DLK2: variants seen among roughly 807,000 people sequenced by gnomAD.
The protein encoded by DLK2 is protein delta homolog 2.
Under a neutral mutation model 31.3 loss-of-function variants are expected in DLK2, and 9 were observed. The observed-to-expected ratio is 0.29, with a 90% CI of 0.17 to 0.50. The LOEUF is 0.50. DLK2 is among the 20% of genes least tolerant of loss of function. The pLI is 0.98. For missense variants in DLK2, 387 were observed against 526.1 expected (o/e 0.74, Z 2.59); for synonymous variants, 169 against 201.2 (o/e 0.84, Z 1.35).
Position 43,451,507 on chromosome 6 carries a change from C to T in DLK2, c.417-233G>A, listed in dbSNP as rs1783734198. On this transcript the variant is annotated intron_variant, in intron 5 of 5. Coordinates refer to ENST00000372488, the MANE Select transcript of DLK2 (RefSeq NM_023932.4). This position sits in a 1 kb window ranked among gnomAD's most constrained non-coding sequence, Gnocchi z 4.4. ...CACAGGGCCCAGCCAGAAGGCAGGGCTCAGGGTAAGTGTGCTATTATTATC... is the reference window on the plus strand; with the variant it reads ...CACAGGGCCCAGCCAGAAGGCAGGGTTCAGGGTAAGTGTGCTATTATTATC... 6.6e-6 allele frequency among the ~76,000 whole-genome samples: 1 copy of T among 152,164 alleles called. No homozygotes were observed. The highest frequency in any genetic ancestry group is 1.5e-5 in the Non-Finnish European group (1 of 68,022).
Position 43,451,903 on chromosome 6 carries a change from T to C in DLK2, c.416+37A>G, listed in dbSNP as rs1225961779. ...TTCTCATCCCATCACCAGGTTCTGG[T>C]CTAACCTTCCACTCACCCTGAGGGC... On this transcript the variant is annotated intron_variant, in intron 5 of 5. Coordinates refer to ENST00000372488, the MANE Select transcript of DLK2 (RefSeq NM_023932.4). This position sits in a 1 kb window ranked among gnomAD's most constrained non-coding sequence, Gnocchi z 4.4. 1.9e-6 allele frequency: 3 copies of C among 1,611,900 alleles called. No homozygotes were observed. The South Asian group carries it at 3.3e-5, about 18-fold the overall frequency.
In DLK2 at chr6:43,450,434, G is replaced by T; in HGVS notation, c.*105C>A. ...AATAATATTTCTGGTGTGAGGCTGAGGTCTCCTCTGTGTGTGTACCCAAGC... is the reference window on the plus strand; with the variant it reads ...AATAATATTTCTGGTGTGAGGCTGATGTCTCCTCTGTGTGTGTACCCAAGC... On this transcript the variant is annotated 3_prime_UTR_variant, in exon 6 of 6. Transcript: ENST00000372488. The surrounding 1 kb of genome is among the most constrained non-coding windows in gnomAD (Gnocchi z 4.5). The T allele has an allele frequency of 1.6e-6, 2 of 1,277,134 alleles. No individual in the cohort carries two copies. Among genetic ancestry groups the T allele is most frequent in the Non-Finnish European group, 1.1e-6 (1 of 939,242 alleles). 79.1% of individuals were successfully genotyped at this position (1,277,134 alleles called of 1,614,324 possible).
At chr6:43,456,353 G>C (rs1393365464), upstream of DLK2, 2 of 152,638 alleles carry the variant, frequency 1.3e-5, no homozygotes, top group Non-Finnish European at 2.9e-5. Flanking sequence ...AACGGAGGGG[G>C]AGTGGGGGAA....
intron 3 of DLK2, 91 bp downstream of exon 3, chr6:43,454,315 AAGAGT>A (rs1783887740): frequency 8.4e-7 from 1 of 1,188,428 alleles, no homozygotes; most frequent in Non-Finnish European, 1.2e-6. Flanking sequence ...ATGAGGCATG[AAGAGT>A]AGAGTCTGAA....
At chr6:43,454,523 C>T (rs1226817103) in intron 2 of DLK2, 49 bp from the exon 3 acceptor site, 7 of 1,540,670 alleles carry the variant, frequency 4.5e-6, no homozygotes, top group Non-Finnish European at 6.2e-6. Flanking sequence ...GGGCACAGCT[C>T]GCTGGGATGC....
In DLK2 at chr6:43,451,314, C is replaced by T. The variant is rs1156673707; in HGVS notation, c.417-40G>A. On this transcript the variant is annotated intron_variant, in intron 5 of 5. Transcript: ENST00000372488. This position sits in a 1 kb window ranked among gnomAD's most constrained non-coding sequence, Gnocchi z 4.4. ...AGAGAGGACATGATAACCAACTTACCAACACCTGTAGGGCAGCCCAGGTCA... is the reference window on the plus strand; with the variant it reads ...AGAGAGGACATGATAACCAACTTACTAACACCTGTAGGGCAGCCCAGGTCA... 2 of 1,593,958 alleles carry T rather than the reference C, an allele frequency of 1.3e-6. No individual in the cohort carries two copies. Among genetic ancestry groups the T allele is most frequent in the South Asian group, 2.3e-5 (2 of 87,036 alleles).
chr6:43,454,930 C>A, intron 1 of DLK2, 50 bp from the exon 2 acceptor site: 1 of 1,409,922 alleles, frequency 7.1e-7, no homozygotes, highest in South Asian at 1.3e-5. Flanking sequence ...GATAGCGGCA[C>A]GGATACGGGT....
At chr6:43,452,122 C>T (rs748556732) in intron 4 of DLK2, 38 bp from the exon 5 acceptor site, 2 of 1,611,762 alleles carry the variant, frequency 1.2e-6, no homozygotes, top group Non-Finnish European at 1.7e-6. Flanking sequence ...GATAACCCCT[C>T]CCATCTGGTC....
chr6:43,454,655 G>T, intron 2 of DLK2, 95 bp downstream of exon 2: 1 of 1,467,518 alleles, frequency 6.8e-7, no homozygotes. Flanking sequence ...CCGCGGGTCG[G>T]AGCGACTGCA....
In DLK2 at chr6:43,453,517, G is replaced by A. The variant is rs1320389250; in HGVS notation, c.141-382C>T. Among the ~76,000 whole-genome samples the A allele has an allele frequency of 6.6e-6, 1 of 152,244 alleles. No homozygotes were observed. The highest frequency in any genetic ancestry group is 1.5e-5 in the Non-Finnish European group (1 of 68,050). On this transcript the variant is annotated intron_variant, in intron 3 of 5. Coordinates refer to ENST00000372488, the MANE Select transcript of DLK2 (RefSeq NM_023932.4). This position sits in a 1 kb window ranked among gnomAD's most constrained non-coding sequence, Gnocchi z 4.1. ...ACCTTGAAAGGCCATCAGGGCCGGG[G>A]CGTGGTTGCTCACGCCTGTAATCCC...
upstream of DLK2, chr6:43,456,286 TCCTTGG>T (rs1284601238): frequency 6.6e-6 from 1 of 152,454 alleles, no homozygotes. Flanking sequence ...ATCACGTTCG[TCCTTGG>T]CCTCAGGCTA....
chr6:43,453,860 CACTT>C lies in DLK2; in HGVS notation c.140+547_140+550del, dbSNP rs141617432. On this transcript the variant is annotated intron_variant, in intron 3 of 5. Transcript: ENST00000372488. This position sits in a 1 kb window ranked among gnomAD's most constrained non-coding sequence, Gnocchi z 4.1. ...CCTCCCACCATGATTCCAGGGCAAACACTTGACCCATATTTTAAAAGCCCTCCAG... is the reference window on the plus strand; with the variant it reads ...CCTCCCACCATGATTCCAGGGCAAACGACCCATATTTTAAAAGCCCTCCAG... Among the ~76,000 whole-genome samples, 10,740 of 152,174 alleles carry C rather than the reference CACTT, an allele frequency of 0.071. 509 individuals carry two copies. The highest frequency in any genetic ancestry group is 0.11 in the Admixed American group (1,615 of 15,278).
At chr6:43,452,856 C>T (rs2127422411) in intron 4 of DLK2, 149 bp downstream of exon 4, 1 of 1,191,648 alleles carries the variant, frequency 8.4e-7, no homozygotes, top group South Asian at 1.5e-5. Flanking sequence ...ATTCAGACAA[C>T]ATATAAAAAG....
At chr6:43,454,671 G>T in intron 2 of DLK2, 79 bp downstream of exon 2, 9 of 1,502,624 alleles carry the variant, frequency 6.0e-6, no homozygotes, top group Non-Finnish European at 7.2e-6. Context: ...CTGCAGTGCC[G>T]CCTCCGGCCG....
At position 43,451,996 on chromosome 6, in the gene DLK2, T is replaced by G. The variant is rs1202443063; in HGVS notation, c.360A>C (p.Leu120Phe). Residue 120 changes from leucine to phenylalanine, a missense_variant, in exon 5 of 6, where the codon TTA becomes TTC. Coordinates refer to ENST00000372488, the MANE Select transcript of DLK2 (RefSeq NM_023932.4). This position sits in a 1 kb window ranked among gnomAD's most constrained non-coding sequence, Gnocchi z 4.4. ...DGGGEYHCVC[L>F]PGFHGRDCER... ...CGCAGTCACGCCCATGGAAGCCTGG[T>G]AAGCACACACAATGGTACTCACCGC... The G allele has an allele frequency of 6.2e-7, 1 of 1,614,180 alleles. No individual in the cohort carries two copies. The highest frequency in any genetic ancestry group is 1.1e-5 in the South Asian group (1 of 91,090).
At position 43,454,850 on chromosome 6, in the gene DLK2, C is replaced by T. The variant is rs1239401735; in HGVS notation, c.-25G>A. The stretch of plus-strand genomic sequence containing the variant: ...TGGTCAGCGCCGGCCCCAGGAGGGA[C>T]GGACGGATGGACGGCCGGACGCGTG... On this transcript the variant is annotated 5_prime_UTR_variant, in exon 2 of 6. Coordinates refer to ENST00000372488, the MANE Select transcript of DLK2 (RefSeq NM_023932.4). 2.1e-5 allele frequency: 32 copies of T among 1,538,576 alleles called. No homozygotes were observed. Among genetic ancestry groups the T allele is most frequent in the Non-Finnish European group, 2.6e-5 (30 of 1,148,024 alleles).
At chr6:43,454,968 A>G in intron 1 of DLK2, 88 bp from the exon 2 acceptor site, 3 of 1,248,426 alleles carry the variant, frequency 2.4e-6, no homozygotes, top group Non-Finnish European at 2.0e-6. Context: ...GACGAGGGAG[A>G]GGGGCGCCGG....
In DLK2 at chr6:43,451,285, G is replaced by A. The variant is rs746333791; in HGVS notation, c.417-11C>T. 1 of 1,611,342 alleles carries A rather than the reference G, an allele frequency of 6.2e-7. No individual in the cohort carries two copies. The highest frequency in any genetic ancestry group is 1.1e-5 in the South Asian group (1 of 90,720). Reference sequence around the variant, plus strand: ...TTGCGGCATGGGGAGCTGTGGTAGGGGTGAGAGAGGACATGATAACCAACT... The same window carrying A: ...TTGCGGCATGGGGAGCTGTGGTAGGAGTGAGAGAGGACATGATAACCAACT... On this transcript the variant is annotated splice_polypyrimidine_tract_variant and intron_variant, in intron 5 of 5. Coordinates refer to ENST00000372488, the MANE Select transcript of DLK2 (RefSeq NM_023932.4). This position sits in a 1 kb window ranked among gnomAD's most constrained non-coding sequence, Gnocchi z 4.4.
At chr6:43,452,954 C>G (rs747189487) in intron 4 of DLK2, 51 bp downstream of exon 4, 1 of 1,609,280 alleles carries the variant, frequency 6.2e-7, no homozygotes, top group Admixed American at 1.7e-5. Context: ...GATGGCTGTT[C>G]CCCTAAGAAC....
Sources: gnomAD v4.1 joint callset for allele counts (sites outside exome capture counted in the v4.1 genomes callset) on GRCh38, gnomAD v4.1.1 for gene constraint, Gnocchi (gnomAD v3.1) non-coding constraint, MANE v1.5 for transcripts, NCBI Gene and HGNC (gene_info 2026-07-23, HGNC 2026-07-21) for gene names.